Variants in KIAA1217 observed in about 807,000 individuals in gnomAD.
The protein encoded by KIAA1217 is sickle tail protein homolog.
A neutral mutation model predicts 163.9 loss-of-function variants in KIAA1217; 88 were observed. That is an observed-to-expected ratio of 0.54 (90% CI 0.45 to 0.64). KIAA1217 has a LOEUF of 0.64. Among genes scored for constraint, KIAA1217 ranks in the 30% least tolerant of loss-of-function variants. The pLI, the probability that KIAA1217 is intolerant of heterozygous loss-of-function variation, is 0.00. For synonymous variants in KIAA1217, 903 were observed against 923.1 expected, an observed-to-expected ratio of 0.98 and a Z score of 0.39; for missense variants, 2,372 against 2,475.0, an observed-to-expected ratio of 0.96 and a Z score of 0.88.
At chr10:24,050,711 G>A (rs1272773303) in intron 2 of KIAA1217, among the ~76,000 whole-genome samples, 5 of 152,090 alleles carry the variant, frequency 3.3e-5, no homozygotes, top group African/African-American at 1.2e-4. Flanking sequence ...CTGTAGCCTT[G>A]TAGTATAGTT....
At chr10:23,725,161 G>A (rs942655836) in intron 1 of KIAA1217, among the ~76,000 whole-genome samples, 1 of 152,134 alleles carries the variant, frequency 6.6e-6, no homozygotes, top group African/African-American at 2.4e-5. Context: ...ACCACATATG[G>A]ACTCTTGTCA....
intron 1 of KIAA1217, among the ~76,000 whole-genome samples, chr10:23,886,618 C>G (rs1423859476): frequency 2.0e-5 from 3 of 151,952 alleles, no homozygotes; most frequent in Non-Finnish European, 4.4e-5. Flanking sequence ...CAGCAACTGA[C>G]TTAATGACAG....
rs1837790872 is a variant in KIAA1217, at chr10:23,720,097, A to G, written c.-321+24863A>G. ...AGTATGATGGAAATATTTTGCAACT[A>G]GATAGAGATGGTGGTTACACAAAGT... is the stretch of plus-strand genomic sequence containing the variant. On this transcript the variant is annotated intron_variant, in intron 1 of 18. Transcript: ENST00000376462. 2.0e-5 allele frequency among the ~76,000 whole-genome samples: 3 copies of G among 151,978 alleles called. No homozygotes were observed. In the South Asian group the frequency reaches 6.3e-4, roughly 32 times the overall value.
chr10:23,752,152 A>G lies in KIAA1217; in HGVS notation c.-321+56918A>G, dbSNP rs181768373. Among the ~76,000 whole-genome samples the G allele has an allele frequency of 1.5e-3, 222 of 152,344 alleles. 1 individual carries two copies. Among genetic ancestry groups the G allele is most frequent in the African/African-American group, 5.0e-3 (209 of 41,590 alleles). ...GTGAATAATAACTCAAGTAATTTTCATAAAGAAACAGATTGAATTTCACTG... is the reference window on the plus strand; with the variant it reads ...GTGAATAATAACTCAAGTAATTTTCGTAAAGAAACAGATTGAATTTCACTG... On this transcript the variant is annotated intron_variant, in intron 1 of 18. Transcript: ENST00000376462.
chr10:24,007,964 G>T (rs923536881), intron 2 of KIAA1217, among the ~76,000 whole-genome samples: 5 of 152,112 alleles, frequency 3.3e-5, no homozygotes, highest in African/African-American at 1.2e-4. Flanking sequence ...ATGGTGAGAT[G>T]ACCAATTAAT....
chr10:24,315,431 A>T (rs1222317434), intron 2 of KIAA1217, among the ~76,000 whole-genome samples: 1 of 152,228 alleles, frequency 6.6e-6, no homozygotes, highest in East Asian at 1.9e-4. Flanking sequence ...GGAAGGAAGT[A>T]GGACTTTGAC....
At chr10:24,122,406 A>C (rs2063317144) in intron 2 of KIAA1217, among the ~76,000 whole-genome samples, 1 of 152,132 alleles carries the variant, frequency 6.6e-6, no homozygotes, top group South Asian at 2.1e-4. Context: ...ATTAATGGGC[A>C]TCTAGGTTGA....
At chr10:23,752,744 TA>T (rs1301008756) in intron 1 of KIAA1217, among the ~76,000 whole-genome samples, 2 of 152,230 alleles carry the variant, frequency 1.3e-5, no homozygotes, top group Non-Finnish European at 2.9e-5. Context: ...AAAGGAATGA[TA>T]TTTTTATTAA....
chr10:24,212,710 C>A (rs537768449), intron 1 of KIAA1217, among the ~76,000 whole-genome samples: 1 of 152,188 alleles, frequency 6.6e-6, no homozygotes, highest in East Asian at 1.9e-4. Flanking sequence ...TCACCCATAA[C>A]GTTCATTTCT....
intron 1 of KIAA1217, among the ~76,000 whole-genome samples, chr10:23,770,722 T>A (rs1335759839): frequency 6.6e-6 from 1 of 152,188 alleles, no homozygotes; most frequent in Non-Finnish European, 1.5e-5. Flanking sequence ...ATCTTCCTAA[T>A]TTCCCCCAAA....
chr10:23,886,774 A>T (rs754943631), intron 1 of KIAA1217, among the ~76,000 whole-genome samples: 1 of 151,344 alleles, frequency 6.6e-6, no homozygotes, highest in Non-Finnish European at 1.5e-5. Flanking sequence ...TATTTTCCTT[A>T]TAAATGTCAT....
At chr10:24,247,795 C>T (rs910886773) in intron 2 of KIAA1217, among the ~76,000 whole-genome samples, 2 of 152,028 alleles carry the variant, frequency 1.3e-5, no homozygotes, top group African/African-American at 2.4e-5. Context: ...AGTGAGGCTC[C>T]GTCTTAAAGG....
At chr10:24,395,053 T>A (rs1023932515) in intron 3 of KIAA1217, among the ~76,000 whole-genome samples, 1 of 152,188 alleles carries the variant, frequency 6.6e-6, no homozygotes, top group Non-Finnish European at 1.5e-5. Context: ...GACCACTGAT[T>A]GAGGGTGAGA....
At chr10:24,002,798 C>A (rs1031977914) in intron 1 of KIAA1217, among the ~76,000 whole-genome samples, 2 of 151,998 alleles carry the variant, frequency 1.3e-5, no homozygotes, top group Admixed American at 6.6e-5. Context: ...CATCCCTCAC[C>A]CCCCTCACAC....
chr10:23,991,810 G>C (rs1049900325), intron 1 of KIAA1217, among the ~76,000 whole-genome samples: 2 of 152,136 alleles, frequency 1.3e-5, no homozygotes, highest in African/African-American at 4.8e-5. Context: ...CCATATCCCA[G>C]TGTCAGATAG....
At chr10:23,710,084 A>C (rs1162207114) in intron 1 of KIAA1217, among the ~76,000 whole-genome samples, 1 of 152,214 alleles carries the variant, frequency 6.6e-6, no homozygotes, top group African/African-American at 2.4e-5. Context: ...TGAATGAATG[A>C]CTAAAGAACA....
intron 2 of KIAA1217, among the ~76,000 whole-genome samples, chr10:24,104,110 C>G (rs1364613387): frequency 6.6e-6 from 1 of 152,176 alleles, no homozygotes; most frequent in Non-Finnish European, 1.5e-5. Context: ...TTGGCAGTTT[C>G]TTACAAAACT....
intron 2 of KIAA1217, among the ~76,000 whole-genome samples, chr10:24,059,671 G>A (rs373881136): frequency 1.3e-5 from 2 of 152,018 alleles, no homozygotes; most frequent in Admixed American, 6.6e-5. Flanking sequence ...TCTGCCTTTC[G>A]GGTTCACGCC....
Position 24,111,647 on chromosome 10 carries a change from C to T in KIAA1217, c.-171+104273C>T, listed in dbSNP as rs147332580. Among the ~76,000 whole-genome samples the T allele has an allele frequency of 2.6e-4, 39 of 152,216 alleles. 1 individual carries two copies. The East Asian group carries it at 4.2e-3, about 17-fold the overall frequency. On this transcript the variant is annotated intron_variant, in intron 2 of 18. Coordinates refer to the KIAA1217 transcript ENST00000376462. ...CTGACCTTTTTCTCCTCTGCATAAA[C>T]GCTTGTCCGTTGCTGATGGTTCTGT... is the stretch of plus-strand genomic sequence containing the variant.
Sources: gnomAD v4.1 joint callset for allele counts (sites outside exome capture counted in the v4.1 genomes callset) on GRCh38, gnomAD v4.1.1 for gene constraint, MANE v1.5 for transcripts, NCBI Gene and HGNC (gene_info 2026-07-23, HGNC 2026-07-21) for gene names.